The following LHX8 variants were observed in gnomAD, a reference collection of about 807,000 sequenced individuals.
LHX8 encodes LIM/homeobox protein Lhx8.
In LHX8, 12 loss-of-function variants were observed where a neutral mutation model predicts 40.3. The ratio of observed to expected loss-of-function variants is 0.30; its 90% CI spans 0.19 to 0.48. The LOEUF (loss-of-function observed/expected upper bound fraction) is 0.48. LHX8 is among the 20% of genes least tolerant of loss of function. The pLI is 0.99. For synonymous variants in LHX8, 179 were observed against 162.0 expected (o/e 1.10, Z -0.80); for missense variants, 344 against 433.7 (o/e 0.79, Z 1.84).
intron 8 of LHX8, among the ~76,000 whole-genome samples, chr1:75,158,479 A>G (rs1020297917): frequency 2.0e-5 from 3 of 152,208 alleles, no homozygotes; most frequent in Non-Finnish European, 4.4e-5. Flanking sequence ...AAAGATAATG[A>G]AGATATATCT....
chr1:75,136,716 G>A, intron 2 of LHX8, 27 bp downstream of exon 2: 3 of 1,526,236 alleles, frequency 2.0e-6, no homozygotes, highest in Non-Finnish European at 1.8e-6. Context: ...TCGCGTGCTG[G>A]CAAGACTGGC....
At chr1:75,191,701 T>G in the LHX8 span, among the ~76,000 whole-genome samples, 2 of 152,114 alleles carry the variant, frequency 1.3e-5, no homozygotes, top group African/African-American at 4.8e-5. Context: ...AGAGGCAAAG[T>G]TTACTAAGAA....
upstream of LHX8, chr1:75,132,696 C>G (rs1018361165): frequency 1.3e-5 from 2 of 151,838 alleles, no homozygotes; most frequent in African/African-American, 4.8e-5. Context: ...TCCAAATGAC[C>G]CGCGCGATAA....
intron 1 of LHX8, among the ~76,000 whole-genome samples, chr1:75,136,146 G>C (rs539648973): frequency 6.6e-6 from 1 of 152,130 alleles, no homozygotes; most frequent in South Asian, 2.1e-4. Flanking sequence ...GGTTATTAAA[G>C]AAATCTAGTT....
intron 7 of LHX8, among the ~76,000 whole-genome samples, chr1:75,153,401 G>A (rs1368383714): frequency 4.0e-5 from 6 of 150,888 alleles, no homozygotes; most frequent in Admixed American, 4.0e-4. Context: ...ATCACGCCTG[G>A]CCTTTTTGTT....
chr1:75,145,980 T>G (rs1034045142), intron 6 of LHX8, among the ~76,000 whole-genome samples: 1 of 152,164 alleles, frequency 6.6e-6, no homozygotes, highest in Admixed American at 6.5e-5. Flanking sequence ...CAATATTTAT[T>G]AGCATTTTAT....
chr1:75,130,581 C>T, upstream of LHX8: 4 of 849,494 alleles, frequency 4.7e-6, no homozygotes, highest in South Asian at 1.3e-5. Context: ...CCGCTTTTGG[C>T]GACCTCCACT....
At chr1:75,156,794 A>T in intron 7 of LHX8, 99 bp from the exon 8 acceptor site, 1 of 1,001,620 alleles carries the variant, frequency 1.0e-6, no homozygotes, top group Non-Finnish European at 1.6e-6. Flanking sequence ...CTTGTGTGGT[A>T]GTGTGATTGA....
chr1:75,194,947 G>A, the LHX8 span, among the ~76,000 whole-genome samples: 5 of 152,054 alleles, frequency 3.3e-5, no homozygotes, highest in African/African-American at 7.2e-5. Flanking sequence ...AGAGATTGCC[G>A]GGTTCATTCT....
chr1:75,193,914 C>T, the LHX8 span, among the ~76,000 whole-genome samples: 11 of 152,296 alleles, frequency 7.2e-5, no homozygotes, highest in South Asian at 2.3e-3. Flanking sequence ...CCTTTAAATA[C>T]TCATGGTGCT....
At chr1:75,179,130 G>C in the LHX8 span, among the ~76,000 whole-genome samples, 1 of 152,186 alleles carries the variant, frequency 6.6e-6, no homozygotes, top group African/African-American at 2.4e-5. Context: ...ATGTGGTGCT[G>C]AGAAGAATGT....
intron 3 of LHX8, among the ~76,000 whole-genome samples, chr1:75,138,829 T>G (rs1377555876): frequency 6.6e-6 from 1 of 152,022 alleles, no homozygotes; most frequent in Admixed American, 6.5e-5. Flanking sequence ...AAAATCTAAG[T>G]TAAGTGAGTT....
chr1:75,130,613 C>T, upstream of LHX8: 1 of 1,097,826 alleles, frequency 9.1e-7, no homozygotes, highest in Non-Finnish European at 1.4e-6. Flanking sequence ...AAGCACCCCT[C>T]TCTTACCCTC....
the LHX8 span, among the ~76,000 whole-genome samples, chr1:75,182,636 G>T: frequency 3.9e-5 from 6 of 152,154 alleles, no homozygotes; most frequent in Non-Finnish European, 8.8e-5. Flanking sequence ...GCCTCCCAAA[G>T]TGCTGGGATT....
At chr1:75,185,835 A>G in the LHX8 span, among the ~76,000 whole-genome samples, 1 of 152,166 alleles carries the variant, frequency 6.6e-6, no homozygotes. Flanking sequence ...CCTATAAACA[A>G]CTCCAGCAAA....
the LHX8 span, among the ~76,000 whole-genome samples, chr1:75,186,154 C>T: frequency 5.9e-5 from 9 of 152,270 alleles, no homozygotes; most frequent in Admixed American, 5.9e-4. Context: ...TCCTATCAGA[C>T]TACCAATGAC....
At chr1:75,195,734 G>T in the LHX8 span, among the ~76,000 whole-genome samples, 2 of 151,056 alleles carry the variant, frequency 1.3e-5, no homozygotes, top group Non-Finnish European at 3.0e-5. Context: ...CAAAACATGA[G>T]ACTCATCTCT....
chr1:75,131,800 C>T (rs12129193), upstream of LHX8: 33,314 of 152,252 alleles, frequency 0.22, 4,339 homozygotes, highest in Middle Eastern at 0.34. Context: ...GGACGCACTC[C>T]GAAGTCTCTC....
downstream of LHX8, among the ~76,000 whole-genome samples, chr1:75,163,147 T>A (rs2100370070): frequency 6.6e-6 from 1 of 152,312 alleles, no homozygotes; most frequent in South Asian, 2.1e-4. Context: ...AGTTTTACAT[T>A]TGACAAATGT....
Sources: allele counts gnomAD v4.1 joint callset (sites outside exome capture counted in the v4.1 genomes callset), GRCh38; gene constraint gnomAD v4.1.1; transcripts MANE v1.5; gene names NCBI Gene and HGNC (gene_info 2026-07-23, HGNC 2026-07-21).